The following ANXA13 variants were observed in gnomAD, a reference collection of about 807,000 sequenced individuals.
The protein encoded by ANXA13 is annexin A13, also known as annexin XIII.
A neutral mutation model predicts 46.6 loss-of-function variants in ANXA13; 36 were observed. The observed-to-expected ratio is 0.77, with a 90% CI of 0.59 to 1.02. The LOEUF is 1.02. ANXA13 is among the 50% of genes least tolerant of loss of function. ANXA13 has a pLI of 0.00. For missense variants in ANXA13, 417 were observed against 396.5 expected (o/e 1.05, Z -0.44); for synonymous variants, 163 against 152.9 (o/e 1.07, Z -0.49).
intron 1 of ANXA13, among the ~76,000 whole-genome samples, chr8:123,735,127 A>C (rs11991777): frequency 0.053 from 8,033 of 151,784 alleles, 677 homozygotes; most frequent in African/African-American, 0.18. Context: ...AAAAAAAAAA[A>C]AAACAAACCC....
Position 123,735,717 on chromosome 8 carries a change from G to A in ANXA13, c.15+1603C>T, listed in dbSNP as rs779028210. 3.1e-6 allele frequency: 5 copies of A among 1,590,402 alleles called. No individual in the cohort carries two copies. The East Asian group carries it at 9.0e-5, about 29-fold the overall frequency. On this transcript the variant is annotated intron_variant, in intron 1 of 10. Transcript: ENST00000419625. ...ATATTGGCCCCATGACAGAGCAGGG[G>A]TCATACCTATGATTTGGGGGGAAAA...
Position 123,706,735 on chromosome 8 carries a change from C to T in ANXA13, c.92-3999G>A, listed in dbSNP as rs190883848. Among the ~76,000 whole-genome samples, 12 of 152,326 alleles carry T rather than the reference C, an allele frequency of 7.9e-5. No individual in the cohort carries two copies. In the East Asian group the frequency reaches 2.3e-3, roughly 29 times the overall value. On this transcript the variant is annotated intron_variant, in intron 2 of 10. Coordinates refer to ENST00000419625, the MANE Select transcript of ANXA13 (RefSeq NM_004306.4). The stretch of plus-strand genomic sequence containing the variant: ...TGCTTCAAACCTTTCAGTATAGGCC[C>T]TCTCAAATGCAGAATGAGGCTTCAA...
chr8:123,726,485 G>T (rs190577197), intron 1 of ANXA13, among the ~76,000 whole-genome samples: 25 of 152,330 alleles, frequency 1.6e-4, no homozygotes, highest in African/African-American at 6.0e-4. Context: ...GGTATAGGGA[G>T]TCCAAGTGGG....
chr8:123,727,958 T>C (rs552628107), intron 1 of ANXA13: 1 of 152,246 alleles, frequency 6.6e-6, no homozygotes, highest in African/African-American at 2.4e-5. Flanking sequence ...AGTGCTGAGA[T>C]AAGGTAACTA....
chr8:123,702,500 C>A, intron 3 of ANXA13, 142 bp downstream of exon 3: 1 of 656,524 alleles, frequency 1.5e-6, no homozygotes, highest in Non-Finnish European at 2.7e-6. Context: ...TCCATTAATG[C>A]TTTTAAGTGG....
At chr8:123,695,916 C>CA (rs1338058991) in intron 4 of ANXA13, among the ~76,000 whole-genome samples, 195 bp from the exon 5 acceptor site, 3 of 147,686 alleles carry the variant, frequency 2.0e-5, no homozygotes, top group African/African-American at 5.0e-5. Context: ...GCCCCCCCCC[C>CA]ACTCCGCCCA....
rs1813683168 is a variant in ANXA13 at position 123,712,732 on chromosome 8, C to G, written c.37G>C (p.Gly13Arg). ...TTGGCATCTCGATCCACATCAAAAC[C>G]CTGAGGACTGCTCGCTTTAGCCTGG... ...NRHAKASSPQ[G>R]FDVDRDAKKL... Residue 13 changes from glycine to arginine, a missense_variant, in exon 2 of 11, where the codon GGT becomes CGT. By Grantham distance (125) the Gly-to-Arg change is moderately radical. Transcript: ENST00000419625. The G allele has an allele frequency of 6.2e-7, 1 of 1,614,160 alleles. No homozygotes were observed. The highest frequency in any genetic ancestry group is 8.5e-7 in the Non-Finnish European group (1 of 1,180,020).
chr8:123,703,822 G>A (rs1813492251), intron 2 of ANXA13, among the ~76,000 whole-genome samples: 1 of 152,132 alleles, frequency 6.6e-6, no homozygotes, highest in African/African-American at 2.4e-5. Flanking sequence ...AGAAAGAAGG[G>A]GAGAATGTCC....
chr8:123,696,331 ACCT>A (rs1264995538), intron 4 of ANXA13, among the ~76,000 whole-genome samples: 2 of 152,116 alleles, frequency 1.3e-5, no homozygotes, highest in Non-Finnish European at 2.9e-5. Context: ...TACTTAGCCA[ACCT>A]CCTATTGATG....
At chr8:123,697,688 C>T (rs1044201120) in intron 4 of ANXA13, among the ~76,000 whole-genome samples, 15 of 152,294 alleles carry the variant, frequency 9.8e-5, no homozygotes, top group African/African-American at 3.4e-4. Context: ...GCTGGGCTGC[C>T]CCATTCTGCT....
chr8:123,733,923 A>G (rs1030624070), intron 1 of ANXA13, among the ~76,000 whole-genome samples: 3 of 152,198 alleles, frequency 2.0e-5, no homozygotes, highest in Non-Finnish European at 4.4e-5. Flanking sequence ...TGCTTCTAAG[A>G]TTTTAATGTG....
At position 123,693,281 on chromosome 8, in the gene ANXA13, C is replaced by A. The variant is rs146521013; in HGVS notation, c.558G>T (p.Trp186Cys). 3 of 1,614,016 alleles carry A rather than the reference C, an allele frequency of 1.9e-6. No homozygotes were observed. In the African/African-American group the frequency reaches 4.0e-5, roughly 22 times the overall value. ...KDLYDAGEGR[W>C]GTDELAFNEV... ...CATTGAACGCAAGCTCATCAGTGCCCCAGCGGCCTTCCCCTGCCTCAAGGG... is the reference window on the plus strand; with the variant it reads ...CATTGAACGCAAGCTCATCAGTGCCACAGCGGCCTTCCCCTGCCTCAAGGG... The change falls in exon 8 of 11, where the codon TGG (tryptophan) becomes TGT (cysteine). Residue 186 changes from tryptophan to cysteine, a missense_variant. Physicochemically the swap from Trp to Cys is radical, Grantham distance 215. Transcript: ENST00000419625.
At chr8:123,700,107 A>G (rs1232955317) in intron 3 of ANXA13, among the ~76,000 whole-genome samples, 1 of 152,202 alleles carries the variant, frequency 6.6e-6, no homozygotes, top group Non-Finnish European at 1.5e-5. Flanking sequence ...GCAGTCCTAC[A>G]AGGGGGCTGT....
Position 123,717,275 on chromosome 8 carries a change from G to T in ANXA13, c.16-4522C>A, listed in dbSNP as rs145696767. Among the ~76,000 whole-genome samples, 502 of 152,278 alleles carry T rather than the reference G, an allele frequency of 3.3e-3. 2 individuals are homozygous for T. Among genetic ancestry groups the T allele is most frequent in the African/African-American group, 0.011 (455 of 41,566 alleles). Reference sequence around the variant, plus strand: ...CTGTGTTGCAAGGCTTGAGGTTTACGTGAAATAACTTTTCAAATGCCAGAA... The same window carrying T: ...CTGTGTTGCAAGGCTTGAGGTTTACTTGAAATAACTTTTCAAATGCCAGAA... On this transcript the variant is annotated intron_variant, in intron 1 of 10. Transcript: ENST00000419625.
intron 10 of ANXA13, among the ~76,000 whole-genome samples, chr8:123,681,704 A>G (rs991535381): frequency 6.7e-6 from 1 of 148,446 alleles, no homozygotes; most frequent in Non-Finnish European, 1.5e-5. Flanking sequence ...GCTCACTGCA[A>G]TCTCCGCCTC....
At chr8:123,735,128 A>C (rs1183117672) in intron 1 of ANXA13, among the ~76,000 whole-genome samples, 3 of 150,458 alleles carry the variant, frequency 2.0e-5, no homozygotes, top group South Asian at 4.1e-4. Context: ...AAAAAAAAAA[A>C]AACAAACCCA....
chr8:123,702,566 G>T, intron 3 of ANXA13, 76 bp downstream of exon 3: 2 of 1,136,988 alleles, frequency 1.8e-6, no homozygotes, highest in Non-Finnish European at 1.3e-6. Context: ...TATTCTGCGT[G>T]GCCTGGGGAC....
intron 1 of ANXA13, among the ~76,000 whole-genome samples, chr8:123,723,079 T>C (rs1813915980): frequency 1.3e-5 from 2 of 152,204 alleles, no homozygotes; most frequent in South Asian, 2.1e-4. Context: ...CTGGATAAAT[T>C]GCCAAATATA....
chr8:123,694,806 G>C (rs1013370552), intron 6 of ANXA13, among the ~76,000 whole-genome samples: 4 of 152,322 alleles, frequency 2.6e-5, no homozygotes, highest in African/African-American at 4.8e-5. Flanking sequence ...GAGGTGCTAA[G>C]TTTGTGGCGA....
Sources: allele counts gnomAD v4.1 joint callset (sites outside exome capture counted in the v4.1 genomes callset), GRCh38; gene constraint gnomAD v4.1.1; transcripts MANE v1.5; gene names NCBI Gene and HGNC (gene_info 2026-07-23, HGNC 2026-07-21).